LDLRAD3: variants seen among roughly 807,000 people sequenced by gnomAD.
LDLRAD3 encodes low-density lipoprotein receptor class A domain-containing protein 3.
A neutral mutation model predicts 29.4 loss-of-function variants in LDLRAD3; 20 were observed. That is an observed-to-expected ratio of 0.68 (90% CI 0.48 to 0.99). LDLRAD3 has a LOEUF of 0.99. LDLRAD3 is among the 50% of genes least tolerant of loss of function. LDLRAD3 has a pLI of 0.00. For missense variants in LDLRAD3, 420 were observed against 454.3 expected (o/e 0.92, Z 0.69); for synonymous variants, 157 against 192.7 (o/e 0.81, Z 1.53).
chr11:35,972,205 TA>T, intron 1 of LDLRAD3, among the ~76,000 whole-genome samples: 1 of 151,804 alleles, frequency 6.6e-6, no homozygotes, highest in Non-Finnish European at 1.5e-5. Flanking sequence ...AACCAGATCT[TA>T]AGGGAAGGCA....
At chr11:36,068,684 T>C (rs1852838808) in intron 2 of LDLRAD3, among the ~76,000 whole-genome samples, 1 of 152,130 alleles carries the variant, frequency 6.6e-6, no homozygotes, top group Non-Finnish European at 1.5e-5. Context: ...ACCTGGCTAA[T>C]TTTTTGTATT....
chr11:35,965,843 A>G (rs1851334170), intron 1 of LDLRAD3, among the ~76,000 whole-genome samples: 2 of 152,202 alleles, frequency 1.3e-5, no homozygotes, highest in Admixed American at 1.3e-4. Flanking sequence ...CCAACAGTAA[A>G]AAAAGCCATT....
chr11:36,073,136 G>A (rs969466834), intron 2 of LDLRAD3, among the ~76,000 whole-genome samples: 1 of 152,210 alleles, frequency 6.6e-6, no homozygotes, highest in African/African-American at 2.4e-5. Context: ...AATTGTATTA[G>A]TCTTTCCTCC....
At chr11:36,113,928 C>T (rs931636606) in intron 4 of LDLRAD3, among the ~76,000 whole-genome samples, 2 of 152,188 alleles carry the variant, frequency 1.3e-5, no homozygotes. Flanking sequence ...CCTGCCTCGG[C>T]CTCCCAAAGT....
At chr11:36,121,212 G>A (rs1853751175) in intron 4 of LDLRAD3, among the ~76,000 whole-genome samples, 1 of 152,188 alleles carries the variant, frequency 6.6e-6, no homozygotes, top group Admixed American at 6.5e-5. Context: ...CAAGGGAAGG[G>A]AGGATTGATT....
chr11:36,055,440 G>C (rs1451120159), intron 2 of LDLRAD3, among the ~76,000 whole-genome samples: 1 of 152,108 alleles, frequency 6.6e-6, no homozygotes, highest in Admixed American at 6.5e-5. Flanking sequence ...TTTAAAACCA[G>C]AGGCAGAAGC....
chr11:36,092,710 T>C (rs954006624), intron 3 of LDLRAD3, among the ~76,000 whole-genome samples: 16 of 152,350 alleles, frequency 1.1e-4, no homozygotes, highest in African/African-American at 3.8e-4. Flanking sequence ...CCCCCTCCCT[T>C]TTTATTTGCT....
rs117375752 is a variant in LDLRAD3, at chr11:36,004,677, G to A, written c.47-31426G>A. Among the ~76,000 whole-genome samples, 47 of 152,326 alleles carry A rather than the reference G, an allele frequency of 3.1e-4. No individual in the cohort carries two copies. The East Asian group carries it at 5.6e-3, about 18-fold the overall frequency. ...TAGGGGCTCCAACCCCACATTTCCC[G>A]TCTACATTGCCCTAGTAGAGGTTCT... On this transcript the variant is annotated intron_variant, in intron 1 of 5. Coordinates refer to ENST00000315571, the MANE Select transcript of LDLRAD3 (RefSeq NM_174902.4).
chr11:36,095,163 G>A (rs1853340773), intron 3 of LDLRAD3, among the ~76,000 whole-genome samples: 1 of 152,232 alleles, frequency 6.6e-6, no homozygotes, highest in Admixed American at 6.5e-5. Flanking sequence ...TGCAGTCGGT[G>A]ACTGAGACCC....
At chr11:35,953,980 G>A (rs1851170014) in intron 1 of LDLRAD3, among the ~76,000 whole-genome samples, 1 of 152,166 alleles carries the variant, frequency 6.6e-6, no homozygotes. Context: ...GATAAAGTTG[G>A]AAAGAATGAC....
At chr11:35,948,955 C>A (rs981804573) in intron 1 of LDLRAD3, among the ~76,000 whole-genome samples, 1 of 152,182 alleles carries the variant, frequency 6.6e-6, no homozygotes, top group Non-Finnish European at 1.5e-5. Context: ...TAGTTGAGAA[C>A]CCCTGGTCTA....
intron 1 of LDLRAD3, among the ~76,000 whole-genome samples, chr11:35,990,112 C>G (rs1303538842): frequency 2.0e-5 from 3 of 152,104 alleles, no homozygotes; most frequent in African/African-American, 7.2e-5. Context: ...TTTCCATCAC[C>G]TATAAAGGCA....
intron 4 of LDLRAD3, among the ~76,000 whole-genome samples, chr11:36,181,562 C>A (rs866114890): frequency 7.8e-4 from 119 of 152,282 alleles, no homozygotes; most frequent in African/African-American, 2.8e-3. Flanking sequence ...GGAACAAGCA[C>A]CCTAGGTTTT....
At chr11:36,118,192 T>G (rs1853700949) in intron 4 of LDLRAD3, among the ~76,000 whole-genome samples, 1 of 152,174 alleles carries the variant, frequency 6.6e-6, no homozygotes, top group Non-Finnish European at 1.5e-5. Context: ...AATAGTACTC[T>G]GGTTGAAAGG....
chr11:36,187,560 T>C (rs1190933857), intron 4 of LDLRAD3, among the ~76,000 whole-genome samples: 1 of 152,206 alleles, frequency 6.6e-6, no homozygotes, highest in African/African-American at 2.4e-5. Context: ...TATTTCTAAC[T>C]TTAGTCAAGG....
intron 4 of LDLRAD3, among the ~76,000 whole-genome samples, chr11:36,175,236 A>G (rs1854658732): frequency 6.6e-6 from 1 of 151,802 alleles, no homozygotes; most frequent in Non-Finnish European, 1.5e-5. Context: ...TGGTCTATTG[A>G]TTTTGTTTAT....
At chr11:36,091,058 G>A (rs938749830) in intron 3 of LDLRAD3, among the ~76,000 whole-genome samples, 2 of 152,194 alleles carry the variant, frequency 1.3e-5, no homozygotes, top group Non-Finnish European at 2.9e-5. Context: ...GGGGCCAGGC[G>A]CCCTCTATCC....
intron 1 of LDLRAD3, among the ~76,000 whole-genome samples, chr11:36,027,451 T>C (rs551123288): frequency 6.6e-6 from 1 of 152,372 alleles, no homozygotes; most frequent in South Asian, 2.1e-4. Flanking sequence ...ACTTTGTTTA[T>C]ATCTATTGAT....
At chr11:36,141,455 G>A (rs891406509) in intron 4 of LDLRAD3, among the ~76,000 whole-genome samples, 3 of 152,146 alleles carry the variant, frequency 2.0e-5, no homozygotes, top group South Asian at 4.1e-4. Context: ...GCATCCCTCC[G>A]GGAAAATGGA....
Sources: allele counts gnomAD v4.1 joint callset (sites outside exome capture counted in the v4.1 genomes callset), GRCh38; gene constraint gnomAD v4.1.1; transcripts MANE v1.5; gene names NCBI Gene and HGNC (gene_info 2026-07-23, HGNC 2026-07-21).